LATS2: variants seen among roughly 807,000 people sequenced by gnomAD.
LATS2 encodes large tumor suppressor kinase 2, also known as serine/threonine-protein kinase LATS2.
In LATS2, 24 loss-of-function variants were observed where a neutral mutation model predicts 76.0. The ratio of observed to expected loss-of-function variants is 0.32; its 90% confidence interval spans 0.23 to 0.44. The LOEUF is 0.44. Among genes scored for constraint, LATS2 ranks in the 20% least tolerant of loss-of-function variants. The pLI, the probability that LATS2 is intolerant of heterozygous loss-of-function variation, is 1.00. For synonymous variants in LATS2, 692 were observed against 635.4 expected, an observed-to-expected ratio of 1.09 and a Z score of -1.34; for missense variants, 1,286 against 1,481.2, an observed-to-expected ratio of 0.87 and a Z score of 2.16.
rs114728199 is a variant in LATS2 at position 20,973,720 on chromosome 13, A to T, written c.*1150T>A. ...AAAAAAGTGAGAGAACCATTAGATCACTCAGTTTCCTGACAGTAACAGAAG... is the reference window on the plus strand; with the variant it reads ...AAAAAAGTGAGAGAACCATTAGATCTCTCAGTTTCCTGACAGTAACAGAAG... On this transcript the variant is annotated 3_prime_UTR_variant, in exon 8 of 8. Transcript: ENST00000382592. 331 of 230,506 alleles carry T rather than the reference A, an allele frequency of 1.4e-3. 1 individual carries two copies. The highest frequency in any genetic ancestry group is 6.8e-3 in the African/African-American group (306 of 45,294). The allele number at this position is 230,506 out of a possible 1,614,324, so 14.3% of individuals were successfully genotyped here. A position where few individuals can be genotyped will look rare whatever the true frequency, so the allele number is the denominator to read the frequency against.
At chr13:21,045,386 C>A (rs1873033834) in intron 2 of LATS2, among the ~76,000 whole-genome samples, 1 of 152,160 alleles carries the variant, frequency 6.6e-6, no homozygotes, top group Non-Finnish European at 1.5e-5. Flanking sequence ...GCACGAAAGC[C>A]CTTTTCATCT....
At chr13:21,058,932 G>A (rs1192396547) in intron 1 of LATS2, among the ~76,000 whole-genome samples, 1 of 149,884 alleles carries the variant, frequency 6.7e-6, no homozygotes, top group Non-Finnish European at 1.5e-5. Flanking sequence ...TATTACAACG[G>A]TTGTTACAGA....
intron 2 of LATS2, among the ~76,000 whole-genome samples, chr13:21,026,496 C>T (rs1872316221): frequency 2.0e-5 from 3 of 152,202 alleles, no homozygotes; most frequent in Non-Finnish European, 2.9e-5. Flanking sequence ...TGCCAAAATT[C>T]ATCCATTCAA....
intron 1 of LATS2, among the ~76,000 whole-genome samples, chr13:21,051,785 G>C (rs965200909): frequency 3.9e-5 from 6 of 152,100 alleles, no homozygotes; most frequent in Admixed American, 3.9e-4. Context: ...AGAGGCAGAC[G>C]GCATTTCTAA....
chr13:21,060,815 G>A (rs1472173902), intron 1 of LATS2, among the ~76,000 whole-genome samples: 1 of 151,460 alleles, frequency 6.6e-6, no homozygotes, highest in Non-Finnish European at 1.5e-5. Flanking sequence ...GCGCGGCCGG[G>A]AGGATGGCCC....
intron 1 of LATS2, among the ~76,000 whole-genome samples, chr13:21,060,442 G>A (rs995263019): frequency 6.6e-6 from 1 of 152,228 alleles, no homozygotes; most frequent in Non-Finnish European, 1.5e-5. Context: ...GCGTGGCCAC[G>A]AAAGCGCTCC....
chr13:21,057,326 A>G (rs1323585201), intron 1 of LATS2, among the ~76,000 whole-genome samples: 3 of 152,226 alleles, frequency 2.0e-5, no homozygotes, highest in Non-Finnish European at 2.9e-5. Flanking sequence ...CACACAAACA[A>G]AAAGTATTTG....
rs770997883 is a variant in LATS2, at chr13:20,988,876, G to C, written c.904C>G (p.Leu302Val). 1.3e-6 allele frequency: 2 copies of C among 1,565,514 alleles called. No individual in the cohort carries two copies. Among genetic ancestry groups the C allele is most frequent in the Non-Finnish European group, 1.7e-6 (2 of 1,162,400 alleles). Residue 302 changes from leucine (L) to valine (V), a missense_variant, in exon 4 of 8, where the codon CTC becomes GTC. Leu to Val is a conservative substitution (Grantham distance 32). Coordinates refer to ENST00000382592, the MANE Select transcript of LATS2 (RefSeq NM_014572.3). ...CCGGCGGCAGGGGGTGGGAAAGCGA[G>C]GCCGGCGCCTGGCGGTCCTCCCTGG... ...KGQGGPPGAG[L>V]AFPPPAAGLY...
rs569543371 is a variant in LATS2 at position 21,017,219 on chromosome 13, T to C, written c.343-25815A>G. ...AATCATCCAACTGTGCAGAAAAAGT[T>C]AGCATTCTATCTAGAGCTGTGTTTT... is the stretch of plus-strand genomic sequence containing the variant. On this transcript the variant is annotated intron_variant, in intron 2 of 7. Coordinates refer to ENST00000382592, the MANE Select transcript of LATS2 (RefSeq NM_014572.3). 2.0e-3 allele frequency among the ~76,000 whole-genome samples: 305 copies of C among 152,376 alleles called. 1 individual carries two copies. Among genetic ancestry groups the C allele is most frequent in the African/African-American group, 7.1e-3 (294 of 41,588 alleles).
intron 7 of LATS2, among the ~76,000 whole-genome samples, chr13:20,979,089 C>T (rs1332681388): frequency 6.6e-6 from 1 of 152,026 alleles, no homozygotes; most frequent in Non-Finnish European, 1.5e-5. Context: ...AGTGGGATTA[C>T]AGGCATGAGC....
chr13:21,060,973 G>A (rs1384150249), intron 1 of LATS2, among the ~76,000 whole-genome samples: 3 of 151,206 alleles, frequency 2.0e-5, no homozygotes, highest in African/African-American at 7.3e-5. Context: ...CTAGGACACC[G>A]CCCCCGGCCC....
rs777111663 is a variant in LATS2, at chr13:20,988,668, G to A, written c.1112C>T (p.Pro371Leu). ...ELGSTSVQQW[P>L]AATLARRDSL... ...GTCCCGGCGGGCCAGGGTGGCAGCC[G>A]GCCACTGCTGGACGGAGGTGCTGCC... The change falls in exon 4 of 8, where the codon CCG becomes CTG. Residue 371 changes from proline to leucine, a missense_variant. Physicochemically the swap from Pro to Leu is moderately conservative, Grantham distance 98. This residue lies in a region of LATS2 where 710 missense variants were observed against 660.9 expected (regional missense o/e 1.07). Coordinates refer to ENST00000382592, the MANE Select transcript of LATS2 (RefSeq NM_014572.3). The A allele has an allele frequency of 6.7e-5, 105 of 1,574,992 alleles. No homozygotes were observed. The highest frequency in any genetic ancestry group is 8.5e-5 in the Non-Finnish European group (99 of 1,170,394).
chr13:21,037,008 T>C (rs1872705411), intron 2 of LATS2, among the ~76,000 whole-genome samples: 1 of 152,254 alleles, frequency 6.6e-6, no homozygotes, highest in Non-Finnish European at 1.5e-5. Flanking sequence ...AGGAAGTCAG[T>C]AATATCCATA....
intron 2 of LATS2, among the ~76,000 whole-genome samples, chr13:21,031,843 A>G (rs1232652136): frequency 6.6e-6 from 1 of 152,180 alleles, no homozygotes; most frequent in Non-Finnish European, 1.5e-5. Flanking sequence ...GTGACAGAGC[A>G]AGACCTCGAC....
In LATS2 at chr13:20,981,540, T is replaced by C. The variant is rs1313784927; in HGVS notation, c.2591A>G (p.Gln864Arg). The change falls in exon 6 of 8, where the codon CAG (glutamine) becomes CGG (arginine). Residue 864 changes from glutamine (Q) to arginine (R), a missense_variant. Physicochemically the swap from Gln to Arg is conservative, Grantham distance 43 (BLOSUM62 1). Coordinates refer to ENST00000382592, the MANE Select transcript of LATS2 (RefSeq NM_014572.3). ...LKTLEQRARK[Q>R]HQRCLAHSLV... Reference sequence around the variant, plus strand: ...TGAATGTGCCAGGCACCTCTGGTGCTGCTTCCGCGCCCTCTGCTCTAGGGT... The same window carrying C: ...TGAATGTGCCAGGCACCTCTGGTGCCGCTTCCGCGCCCTCTGCTCTAGGGT... 1 of 1,614,194 alleles carries C rather than the reference T, an allele frequency of 6.2e-7. No individual in the cohort carries two copies. Among genetic ancestry groups the C allele is most frequent in the Non-Finnish European group, 8.5e-7 (1 of 1,180,028 alleles).
At position 20,981,585 on chromosome 13, in the gene LATS2, C is replaced by A. The variant is rs753361598; in HGVS notation, c.2546G>T (p.Arg849Leu). ...SDLWDDVSNCRCGDRLKTLEQ... is the reference protein window; with the variant it reads ...SDLWDDVSNCLCGDRLKTLEQ... ...TAGGGTCTTCAGCCTGTCCCCACAC[C>A]GACAGTTAGACACATCATCCCAGAG... Residue 849 changes from arginine (R) to leucine (L), a missense_variant, in exon 6 of 8, where the codon CGG (arginine) becomes CTG (leucine). Around this residue, in one of 5 missense-constraint regions of LATS2, gnomAD observed 247 missense variants for 385.4 expected, o/e 0.64. Transcript: ENST00000382592. The A allele has an allele frequency of 6.2e-7, 1 of 1,614,158 alleles. No individual in the cohort carries two copies. Among genetic ancestry groups the A allele is most frequent in the Non-Finnish European group, 8.5e-7 (1 of 1,180,000 alleles).
Position 20,990,461 on chromosome 13 carries a change from A to ATTT in LATS2, c.475+808_475+810dup, listed in dbSNP as rs35074574. On this transcript the variant is annotated intron_variant, in intron 3 of 7. Coordinates refer to ENST00000382592, the MANE Select transcript of LATS2 (RefSeq NM_014572.3). ...GGGAAAACTCTTGCTAATTACTAGG[A>ATTT]TTTTTTTTTTTTTTTTTTTTTTTTT... is the stretch of plus-strand genomic sequence containing the variant. Among the ~76,000 whole-genome samples the ATTT allele has an allele frequency of 1.5e-3, 146 of 94,510 alleles. 11 individuals are homozygous for ATTT. The highest frequency in any genetic ancestry group is 0.017 in the Middle Eastern group (2 of 116). 62.0% of individuals were successfully genotyped at this position (94,510 alleles called of 152,430 possible).
intron 2 of LATS2, among the ~76,000 whole-genome samples, chr13:21,021,870 G>T (rs765286789): frequency 1.3e-5 from 2 of 152,308 alleles, no homozygotes; most frequent in Middle Eastern, 3.4e-3. Context: ...GACCAGTTCT[G>T]TCACCAAGCA....
intron 7 of LATS2, among the ~76,000 whole-genome samples, chr13:20,977,845 G>T (rs12585222): frequency 6.6e-6 from 1 of 151,116 alleles, no homozygotes; most frequent in Non-Finnish European, 1.5e-5. Context: ...CAATTAGGGC[G>T]CAGATAATGC....
Sources: gnomAD v4.1 joint callset for allele counts (sites outside exome capture counted in the v4.1 genomes callset) on GRCh38, gnomAD v4.1.1 for gene constraint, gnomAD v4.1.1 regional missense constraint, MANE v1.5 for transcripts, NCBI Gene and HGNC (gene_info 2026-07-23, HGNC 2026-07-21) for gene names.